Variants in HERC1 observed in about 807,000 individuals in gnomAD.
The protein encoded by HERC1 is probable E3 ubiquitin-protein ligase HERC1.
Under a neutral mutation model 554.3 loss-of-function variants are expected in HERC1, and 160 were observed. That is an observed-to-expected ratio of 0.29 (90% confidence interval 0.25 to 0.33). The LOEUF (loss-of-function observed/expected upper bound fraction) is 0.33, where lower values mean the gene tolerates loss of function less well. HERC1 is among the 10% of genes least tolerant of loss of function. The probability of loss-of-function intolerance (pLI) is 1.00; values close to 1 mark genes in which losing one functional copy is unlikely to be tolerated. For synonymous variants in HERC1, 2,175 were observed against 2,131.7 expected (o/e 1.02, Z -0.56); for missense variants, 4,919 against 5,918.5 (o/e 0.83, Z 5.54).
chr15:63,645,128 C>T, intron 56 of HERC1, 31 bp from the exon 57 acceptor site: 1 of 1,460,702 alleles, frequency 6.8e-7, no homozygotes. Flanking sequence ...AAAACCAAAA[C>T]ATGTCAATAT....
chr15:63,718,913 A>T lies in HERC1; in HGVS notation c.3743-16T>A. On this transcript the variant is annotated splice_polypyrimidine_tract_variant and intron_variant, in intron 19 of 77. Coordinates refer to ENST00000443617, the MANE Select transcript of HERC1 (RefSeq NM_003922.4). This position sits in a 1 kb window ranked among gnomAD's most constrained non-coding sequence, Gnocchi z 4.2. ...CTGTCCCAATCTGAAAATAAAAATG[A>T]TGCATTGACATTTAAAAGGGCTCAG... The T allele has an allele frequency of 6.5e-7, 1 of 1,539,698 alleles. No homozygotes were observed.
intron 50 of HERC1, 34 bp from the exon 51 acceptor site, chr15:63,654,358 A>T: frequency 1.3e-6 from 2 of 1,526,684 alleles, no homozygotes; most frequent in Non-Finnish European, 1.8e-6. Context: ...GGATGGGCAT[A>T]CAATTGGGCA....
At chr15:63,696,771 C>T (rs8027993) in intron 26 of HERC1, among the ~76,000 whole-genome samples, 47,143 of 151,708 alleles carry the variant, frequency 0.31, 7,798 homozygotes, top group Middle Eastern at 0.41. Context: ...AGTACTGCTA[C>T]TGCTTTCTTT....
chr15:63,819,350 T>C (rs533465554), intron 1 of HERC1, among the ~76,000 whole-genome samples: 20 of 152,352 alleles, frequency 1.3e-4, no homozygotes, highest in South Asian at 1.2e-3. Context: ...CACAGAGGTG[T>C]TATTCACATC....
At chr15:63,626,190 C>T (rs2068294106) in intron 70 of HERC1, 36 bp from the exon 71 acceptor site, 1 of 1,597,942 alleles carries the variant, frequency 6.3e-7, no homozygotes, top group Middle Eastern at 1.9e-4. Context: ...ATGAAGGAAA[C>T]AGCATTGCTT....
chr15:63,766,553 T>C (rs531154864), intron 2 of HERC1, among the ~76,000 whole-genome samples: 22 of 152,358 alleles, frequency 1.4e-4, no homozygotes, highest in African/African-American at 4.6e-4. Context: ...CACTCCAGCC[T>C]AGGTGACAGA....
chr15:63,671,181 C>T (rs1353143167), intron 39 of HERC1, among the ~76,000 whole-genome samples: 2 of 122,964 alleles, frequency 1.6e-5, no homozygotes, highest in Non-Finnish European at 3.4e-5. Flanking sequence ...CCAGCCTGGG[C>T]AACAAGAGTG....
chr15:63,614,539 A>C (rs1455537120), intron 76 of HERC1, among the ~76,000 whole-genome samples: 1 of 152,206 alleles, frequency 6.6e-6, no homozygotes, highest in Non-Finnish European at 1.5e-5. Flanking sequence ...CATTTTTCTG[A>C]TGGGACTTGG....
chr15:63,767,652 C>T (rs1208147998), intron 2 of HERC1, among the ~76,000 whole-genome samples: 3 of 152,082 alleles, frequency 2.0e-5, no homozygotes, highest in African/African-American at 4.8e-5. Context: ...CAGCCGAGAT[C>T]GCCCCACCGC....
At chr15:63,707,726 C>T (rs965614437) in intron 24 of HERC1, among the ~76,000 whole-genome samples, 5 of 151,778 alleles carry the variant, frequency 3.3e-5, no homozygotes, top group Non-Finnish European at 2.9e-5. Flanking sequence ...GCCAGGAGTT[C>T]GAGACCAGCC....
At chr15:63,798,957 A>T (rs1014066827) in intron 1 of HERC1, among the ~76,000 whole-genome samples, 1 of 152,188 alleles carries the variant, frequency 6.6e-6, no homozygotes, top group African/African-American at 2.4e-5. Flanking sequence ...CTCAAAGCAA[A>T]AAGGGCACAA....
chr15:63,812,482 C>A (rs1276351596), intron 1 of HERC1, among the ~76,000 whole-genome samples: 1 of 152,194 alleles, frequency 6.6e-6, no homozygotes, highest in Non-Finnish European at 1.5e-5. Context: ...ACACAACACA[C>A]TGAAGTCACA....
At position 63,698,846 on chromosome 15, in the gene HERC1, A is replaced by G. The variant is rs545128651; in HGVS notation, c.4787T>C (p.Val1596Ala). 1.2e-6 allele frequency: 2 copies of G among 1,613,988 alleles called. No individual in the cohort carries two copies. The highest frequency in any genetic ancestry group is 2.2e-5 in the East Asian group (1 of 44,880). Residue 1596 changes from valine to alanine, a missense_variant, in exon 26 of 78, where the codon GTA becomes GCA. Coordinates refer to ENST00000443617, the MANE Select transcript of HERC1 (RefSeq NM_003922.4). ...CCCCACATCTCCACTCACAAAGCTT[A>G]CAACATTTTCAATCAAAGTGTGAAC... ...LGVHTLIENVVSFVSGDVGNA... is the reference protein window; with the variant it reads ...LGVHTLIENVASFVSGDVGNA...
chr15:63,656,384 A>G, intron 48 of HERC1, 26 bp from the exon 49 acceptor site: 1 of 1,590,750 alleles, frequency 6.3e-7, no homozygotes, highest in East Asian at 2.2e-5. Flanking sequence ...AACATCTCAG[A>G]TGGATAAAGA....
chr15:63,641,509 C>T lies in HERC1; in HGVS notation c.11568G>A (p.Arg3856=), dbSNP rs747928629. 3 of 1,613,284 alleles carry T rather than the reference C, an allele frequency of 1.9e-6. No individual in the cohort carries two copies. The East Asian group carries it at 6.7e-5, about 36-fold the overall frequency. Residue 3856 remains arginine, a synonymous_variant, in exon 60 of 78, where the codon CGG becomes CGA. Coordinates refer to ENST00000443617, the MANE Select transcript of HERC1 (RefSeq NM_003922.4). The part of the protein sequence containing the change: ...MAPCMRAFLE[R]LPMMLQEQYA... ...ACTGCTCCTGAAGCATCATGGGGAG[C>T]CGCTCCAAAAATGCTCTCATGCAGG...
At position 63,626,358 on chromosome 15, in the gene HERC1, AT is replaced by A. The variant is rs796595717; in HGVS notation, c.13106-205del. Among the ~76,000 whole-genome samples the A allele has an allele frequency of 3.3e-5, 5 of 152,316 alleles. No homozygotes were observed. The South Asian group carries it at 8.3e-4, about 25-fold the overall frequency. On this transcript the variant is annotated intron_variant, in intron 70 of 77. Transcript: ENST00000443617. ...TCTTTATCAGGGGGCGGAGAAAAAA[AT>A]AAAATAAAATAAAATGTCTTCATTA...
chr15:63,721,594 T>G (rs549325448), intron 19 of HERC1, among the ~76,000 whole-genome samples: 87 of 152,252 alleles, frequency 5.7e-4, no homozygotes, highest in Middle Eastern at 3.4e-3. Context: ...CAGATCTGAA[T>G]AATATGTATC....
chr15:63,756,665 C>T lies in HERC1; in HGVS notation c.1305G>A (p.Leu435=), dbSNP rs367750871. The change falls in exon 5 of 78, where the codon CTG becomes CTA. Residue 435 remains leucine, a synonymous_variant. Coordinates refer to ENST00000443617, the MANE Select transcript of HERC1 (RefSeq NM_003922.4). The surrounding 1 kb of genome is among the most constrained non-coding windows in gnomAD (Gnocchi z 5.0). Reference sequence around the variant, plus strand: ...ACTGATTATTGGAGTCTCCAAGGCCCAGTCTCCCATAGCTGCCTTTCCCGC... The same window carrying T: ...ACTGATTATTGGAGTCTCCAAGGCCTAGTCTCCCATAGCTGCCTTTCCCGC... The part of the protein sequence containing the change: ...RACGKGSYGR[L]GLGDSNNQST... 4 of 1,613,022 alleles carry T rather than the reference C, an allele frequency of 2.5e-6. No homozygotes were observed. Among genetic ancestry groups the T allele is most frequent in the South Asian group, 1.1e-5 (1 of 90,980 alleles).
chr15:63,747,472 A>T (rs551624320), intron 11 of HERC1, among the ~76,000 whole-genome samples: 14 of 152,000 alleles, frequency 9.2e-5, no homozygotes, highest in East Asian at 1.9e-4. Flanking sequence ...AAAAAAAAAA[A>T]TTTTGTCAAG....
Sources: gnomAD v4.1 joint callset for allele counts (sites outside exome capture counted in the v4.1 genomes callset) on GRCh38, gnomAD v4.1.1 for gene constraint, Gnocchi (gnomAD v3.1) non-coding constraint, MANE v1.5 for transcripts, NCBI Gene and HGNC (gene_info 2026-07-23, HGNC 2026-07-21) for gene names.